VCL: variants seen among roughly 807,000 people sequenced by gnomAD.
VCL encodes the protein epididymis luminal protein 114.
VCL carries 47 observed loss-of-function variants against 125.7 expected under a neutral mutation model. The ratio of observed to expected loss-of-function variants is 0.37; its 90% CI spans 0.30 to 0.48. The LOEUF is 0.48. VCL is among the 20% of genes least tolerant of loss of function. The pLI, the probability that VCL is intolerant of heterozygous loss-of-function variation, is 0.99. For synonymous variants in VCL, 458 were observed against 514.6 expected, an observed-to-expected ratio of 0.89 and a Z score of 1.49; for missense variants, 1,069 against 1,455.5, an observed-to-expected ratio of 0.73 and a Z score of 4.32.
chr10:74,049,559 A>G (rs1841261070), intron 2 of VCL, among the ~76,000 whole-genome samples: 1 of 152,114 alleles, frequency 6.6e-6, no homozygotes, highest in South Asian at 2.1e-4. Flanking sequence ...GGATGGTTAG[A>G]TGTAGGGAGG....
chr10:74,020,840 C>CAAAAAAAAAAAAAAAAA (rs567412270), intron 1 of VCL, among the ~76,000 whole-genome samples: 1 of 66,738 alleles, frequency 1.5e-5, no homozygotes, highest in African/African-American at 5.9e-5. Flanking sequence ...GACCTTGTCT[C>CAAAAAAAAAAAAAAAAA]AAAAAAAAAA....
chr10:74,116,705 TAA>T (rs1466766745), intron 21 of VCL, among the ~76,000 whole-genome samples: 44 of 148,712 alleles, frequency 3.0e-4, no homozygotes, highest in Admixed American at 1.0e-3. Context: ...AAAATAATAA[TAA>T]AATAAAATAA....
At chr10:74,092,424 C>A (rs1313466541) in intron 10 of VCL, among the ~76,000 whole-genome samples, 1 of 152,100 alleles carries the variant, frequency 6.6e-6, no homozygotes, top group Middle Eastern at 3.4e-3. Flanking sequence ...GGTTGAGGTT[C>A]TTTGGTTGGA....
chr10:74,079,730 T>G (rs1038927484), intron 6 of VCL, among the ~76,000 whole-genome samples: 2 of 152,192 alleles, frequency 1.3e-5, no homozygotes, highest in Admixed American at 6.5e-5. Context: ...AAAAATTCCC[T>G]TAGACATGTT....
intron 21 of VCL, among the ~76,000 whole-genome samples, chr10:74,117,552 G>C (rs76370953): frequency 6.6e-6 from 1 of 152,180 alleles, no homozygotes; most frequent in East Asian, 1.9e-4. Context: ...CTGCTCAAAG[G>C]CTGAGGCAGG....
intron 6 of VCL, chr10:74,077,814 T>G (rs1839615720): frequency 2.2e-6 from 1 of 446,766 alleles, no homozygotes; most frequent in Non-Finnish European, 4.5e-6. Flanking sequence ...AAAGAGGCAA[T>G]GCAATAACTG....
At chr10:74,024,873 A>G (rs1053801380) in intron 1 of VCL, among the ~76,000 whole-genome samples, 3 of 152,182 alleles carry the variant, frequency 2.0e-5, no homozygotes, top group African/African-American at 7.2e-5. Flanking sequence ...AGTTGGTTAG[A>G]CTGCATCTTG....
rs777477698 is a variant in VCL at position 74,002,880 on chromosome 10, CAA to C, written c.168+4521_168+4522del. Among the ~76,000 whole-genome samples the C allele has an allele frequency of 6.8e-3, 456 of 66,746 alleles. 1 individual carries two copies. The highest frequency in any genetic ancestry group is 0.019 in the African/African-American group (411 of 21,574). The allele number at this position is 66,746 out of a possible 152,430, so 43.8% of individuals were successfully genotyped here. A position where few individuals can be genotyped will look rare whatever the true frequency, so the allele number is the denominator to read the frequency against. On this transcript the variant is annotated intron_variant, in intron 1 of 21. Coordinates refer to ENST00000211998, the MANE Select transcript of VCL (RefSeq NM_014000.3). ...CTGGTGACAAAGGAAGACTCTGTCT[CAA>C]AAAAAAAAAAAAAAAGAAAGACATT...
downstream of VCL, chr10:74,120,853 T>C (rs1371296139): frequency 1.3e-5 from 2 of 152,066 alleles, no homozygotes; most frequent in Admixed American, 1.3e-4. Context: ...AAGCCCAGTA[T>C]AGAATAAATA....
chr10:74,015,828 T>G (rs749151004), intron 1 of VCL, among the ~76,000 whole-genome samples: 2 of 151,740 alleles, frequency 1.3e-5, no homozygotes, highest in Non-Finnish European at 2.9e-5. Context: ...GGGATTACAG[T>G]CATCCACCAC....
At chr10:74,001,379 G>T (rs549398146) in intron 1 of VCL, among the ~76,000 whole-genome samples, 6 of 152,242 alleles carry the variant, frequency 3.9e-5, no homozygotes, top group African/African-American at 1.2e-4. Flanking sequence ...TGCCCAGGCT[G>T]GTCTCGAATC....
At chr10:74,057,095 A>G (rs1841402491) in intron 2 of VCL, among the ~76,000 whole-genome samples, 1 of 151,944 alleles carries the variant, frequency 6.6e-6, no homozygotes, top group Non-Finnish European at 1.5e-5. Context: ...GGTACATGCC[A>G]TCATGCATGG....
rs1412929619 is a variant in VCL, at chr10:74,090,137, A to G, written c.1291A>G (p.Ile431Val). 2 of 1,614,196 alleles carry G rather than the reference A, an allele frequency of 1.2e-6. No homozygotes were observed. Among genetic ancestry groups the G allele is most frequent in the Non-Finnish European group, 1.7e-6 (2 of 1,180,018 alleles). ...TGATGATCCTAAAGAAAGAGATGAC[A>G]TTCTACGTTCCCTTGGGGAAATATC... ...LCDDPKERDD[I>V]LRSLGEISAL... The change falls in exon 10 of 22, where the codon ATT (isoleucine) becomes GTT (valine). Residue 431 changes from isoleucine to valine, a missense_variant. By Grantham distance (29) the Ile-to-Val change is conservative. Transcript: ENST00000211998.
chr10:74,064,934 A>G (rs1841542737), intron 2 of VCL, among the ~76,000 whole-genome samples: 1 of 152,172 alleles, frequency 6.6e-6, no homozygotes, highest in South Asian at 2.1e-4. Flanking sequence ...AGTCCTTTAT[A>G]CGTAGAAGTA....
intron 1 of VCL, chr10:74,005,107 T>TTGAAGCCTGTTAGAATGAAATCGTATG (rs1840298036): frequency 2.0e-5 from 3 of 152,206 alleles, no homozygotes; most frequent in Non-Finnish European, 4.4e-5. Context: ...CCTGCTTAGC[T>TTGAAGCCTGTTAGAATGAAATCGTATG]TGAAGCCTGT....
intron 1 of VCL, among the ~76,000 whole-genome samples, chr10:74,035,982 G>T (rs1207820292): frequency 1.3e-5 from 2 of 152,160 alleles, no homozygotes; most frequent in African/African-American, 4.8e-5. Context: ...ATGTGTGTAA[G>T]TTATATTCAA....
At chr10:74,027,902 A>T (rs1405022737) in intron 1 of VCL, 1 of 152,208 alleles carries the variant, frequency 6.6e-6, no homozygotes, top group African/African-American at 2.4e-5. Context: ...TATGAGGGAA[A>T]AAAACAGTCA....
intron 1 of VCL, among the ~76,000 whole-genome samples, chr10:74,018,187 T>TATATATATATATAAATAC (rs1840592351): frequency 7.3e-6 from 1 of 136,890 alleles, no homozygotes; most frequent in South Asian, 2.2e-4. Context: ...GATATATATA[T>TATATATATATATAAATAC]ATATATATAT....
rs1285863943 is a variant in VCL, at chr10:74,071,867, T to C, written c.499+784T>C. Among the ~76,000 whole-genome samples, 2 of 152,250 alleles carry C rather than the reference T, an allele frequency of 1.3e-5. No individual in the cohort carries two copies. Among genetic ancestry groups the C allele is most frequent in the African/African-American group, 4.8e-5 (2 of 41,464 alleles). On this transcript the variant is annotated intron_variant, in intron 4 of 21. Transcript: ENST00000211998. This position sits in a 1 kb window ranked among gnomAD's most constrained non-coding sequence, Gnocchi z 4.1. ...GCCATCACTGAAGATCACCTGGAAA[T>C]AGGTTTCTCTGGTGGCTTTAGAGTA...
Sources: gnomAD v4.1 joint callset for allele counts (sites outside exome capture counted in the v4.1 genomes callset) on GRCh38, gnomAD v4.1.1 for gene constraint, Gnocchi (gnomAD v3.1) non-coding constraint, MANE v1.5 for transcripts, NCBI Gene and HGNC (gene_info 2026-07-23, HGNC 2026-07-21) for gene names.